Variants in TPD52 observed in about 807,000 individuals in gnomAD.
TPD52 encodes the protein tumor protein D52, also known as prostate and colon associated protein.
In TPD52, 17 loss-of-function variants were observed where a neutral mutation model predicts 31.3. The ratio of observed to expected loss-of-function variants is 0.54; its 90% CI spans 0.37 to 0.82. The LOEUF (loss-of-function observed/expected upper bound fraction) is 0.82. TPD52 is among the 40% of genes least tolerant of loss of function. TPD52 has a pLI of 0.00. For missense variants in TPD52, 212 were observed against 240.1 expected (o/e 0.88, Z 0.77); for synonymous variants, 83 against 89.6 (o/e 0.93, Z 0.42).
intron 1 of TPD52, among the ~76,000 whole-genome samples, chr8:80,128,330 AT>A (rs1808775021): frequency 6.6e-6 from 1 of 151,724 alleles, no homozygotes; most frequent in African/African-American, 2.4e-5. Context: ...AGTACATTCT[AT>A]TTTTCTGTCT....
chr8:80,050,930 AG>A (rs1460442519), intron 4 of TPD52, among the ~76,000 whole-genome samples: 3 of 151,364 alleles, frequency 2.0e-5, no homozygotes, highest in African/African-American at 7.3e-5. Context: ...ACATGAGTGA[AG>A]GGGGGGCACA....
chr8:80,045,307 GA>G (rs1810735527), intron 5 of TPD52, among the ~76,000 whole-genome samples: 1 of 152,158 alleles, frequency 6.6e-6, no homozygotes, highest in Non-Finnish European at 1.5e-5. Context: ...TTCTTCCTCA[GA>G]CCCTTCTGCT....
At chr8:80,100,775 G>C (rs1015608051) in intron 1 of TPD52, among the ~76,000 whole-genome samples, 1 of 152,242 alleles carries the variant, frequency 6.6e-6, no homozygotes, top group African/African-American at 2.4e-5. Flanking sequence ...CCAGCTGGAA[G>C]ACAGTCAGAG....
intron 1 of TPD52, among the ~76,000 whole-genome samples, chr8:80,155,897 GAAAGA>G (rs1438147423): frequency 1.7e-4 from 25 of 149,998 alleles, no homozygotes; most frequent in Admixed American, 9.9e-4. Flanking sequence ...AAAAAAAAAA[GAAAGA>G]AAAGAAAAGA....
chr8:80,109,241 A>G (rs1246967729), intron 1 of TPD52, among the ~76,000 whole-genome samples: 1 of 152,192 alleles, frequency 6.6e-6, no homozygotes, highest in Non-Finnish European at 1.5e-5. Context: ...TCCTAGATTT[A>G]AGAGGTTTTT....
chr8:80,163,647 A>C (rs1269822886), intron 1 of TPD52, among the ~76,000 whole-genome samples: 1 of 152,200 alleles, frequency 6.6e-6, no homozygotes, highest in East Asian at 1.9e-4. Flanking sequence ...AAAAGAGGGC[A>C]TTGACAGTTA....
In TPD52 at chr8:80,111,212, TAAAAATAAAAATA is replaced by T. The variant is rs569765043; in HGVS notation, c.20-46632_20-46620del. 2.6e-3 allele frequency among the ~76,000 whole-genome samples: 396 copies of T among 152,200 alleles called. 1 individual carries two copies. The highest frequency in any genetic ancestry group is 8.9e-3 in the African/African-American group (368 of 41,532). On this transcript the variant is annotated intron_variant, in intron 1 of 7. Transcript: ENST00000518937. ...GGGCTACAGAGCAAGAGCCTGTCTC[TAAAAATAAAAATA>T]AAAAATAAAAATAAATGGTTTAAAA...
rs182763502 is a variant in TPD52, at chr8:80,166,043, C to T, written c.19+5382G>A. On this transcript the variant is annotated intron_variant, in intron 1 of 7. Coordinates refer to ENST00000518937, the MANE Select transcript of TPD52 (RefSeq NM_001025253.3). ...AAAAATGGAGCTGCTCTAGGCCAGG[C>T]GCAGTGGCTCACACCTGTAATCTCA... Among the ~76,000 whole-genome samples the T allele has an allele frequency of 6.3e-3, 964 of 152,282 alleles. 6 individuals carry two copies. Among genetic ancestry groups the T allele is most frequent in the Middle Eastern group, 0.014 (4 of 294 alleles).
intron 1 of TPD52, among the ~76,000 whole-genome samples, chr8:80,065,271 A>G (rs571957271): frequency 7.2e-6 from 1 of 139,494 alleles, no homozygotes; most frequent in Admixed American, 7.5e-5. Flanking sequence ...CTATCTATAT[A>G]TATCTATATC....
At chr8:80,140,441 G>A (rs1809750325) in intron 1 of TPD52, among the ~76,000 whole-genome samples, 1 of 152,138 alleles carries the variant, frequency 6.6e-6, no homozygotes, top group Non-Finnish European at 1.5e-5. Context: ...CTTTTTCCAG[G>A]AACATTAACT....
At chr8:80,108,802 A>C (rs182838453) in intron 1 of TPD52, among the ~76,000 whole-genome samples, 11 of 152,360 alleles carry the variant, frequency 7.2e-5, no homozygotes, top group Non-Finnish European at 1.5e-4. Flanking sequence ...CTGGTTCTTT[A>C]AAGTTTTAAG....
At chr8:80,062,910 G>A (rs1419437046) in intron 2 of TPD52, among the ~76,000 whole-genome samples, 1 of 152,082 alleles carries the variant, frequency 6.6e-6, no homozygotes, top group Non-Finnish European at 1.5e-5. Flanking sequence ...CAACATTATA[G>A]TGAGCTATAA....
At chr8:80,080,544 C>G in intron 1 of TPD52, 1 of 1,511,242 alleles carries the variant, frequency 6.6e-7, no homozygotes, top group Non-Finnish European at 8.8e-7. Flanking sequence ...TTGTAGGGTG[C>G]AACTTCACTG....
intron 1 of TPD52, among the ~76,000 whole-genome samples, chr8:80,081,074 C>T (rs1815220293): frequency 6.6e-6 from 1 of 151,728 alleles, no homozygotes; most frequent in Non-Finnish European, 1.5e-5. Context: ...AAAAATAAAG[C>T]TGTATTTCCA....
intron 1 of TPD52, among the ~76,000 whole-genome samples, chr8:80,161,663 T>C (rs1811365707): frequency 6.6e-6 from 1 of 151,564 alleles, no homozygotes; most frequent in Non-Finnish European, 1.5e-5. Context: ...TGGGTGAAAT[T>C]TCATCCTGTT....
intron 1 of TPD52, among the ~76,000 whole-genome samples, chr8:80,127,234 T>C (rs1808682219): frequency 6.6e-6 from 1 of 152,242 alleles, no homozygotes; most frequent in Admixed American, 6.5e-5. Context: ...TAAAGAATCT[T>C]TTGATACAAC....
chr8:80,082,941 C>T (rs1454967481), intron 1 of TPD52, among the ~76,000 whole-genome samples: 8 of 152,172 alleles, frequency 5.3e-5, no homozygotes, highest in South Asian at 2.1e-4. Context: ...TTTTATGCAA[C>T]ATCCTGGCTC....
intron 5 of TPD52, among the ~76,000 whole-genome samples, chr8:80,044,608 C>T (rs1438236652): frequency 6.6e-6 from 1 of 152,002 alleles, no homozygotes; most frequent in African/African-American, 2.4e-5. Context: ...TACACACATA[C>T]ACACACAAGC....
At chr8:80,118,431 G>A (rs545062298) in intron 1 of TPD52, among the ~76,000 whole-genome samples, 1 of 152,244 alleles carries the variant, frequency 6.6e-6, no homozygotes, top group African/African-American at 2.4e-5. Flanking sequence ...TAGATAAATT[G>A]GACATCATCA....
Sources: gnomAD v4.1 joint callset for allele counts (sites outside exome capture counted in the v4.1 genomes callset) on GRCh38, gnomAD v4.1.1 for gene constraint, MANE v1.5 for transcripts, NCBI Gene and HGNC (gene_info 2026-07-23, HGNC 2026-07-21) for gene names.